DNAJC13: variants seen among roughly 807,000 people sequenced by gnomAD.
DNAJC13 encodes the protein DnaJ heat shock protein family (Hsp40) member C13, also known as dnaJ homolog subfamily C member 13.
DNAJC13 carries 75 observed loss-of-function variants against 290.5 expected under a neutral mutation model. The observed-to-expected ratio is 0.26, with a 90% CI of 0.21 to 0.31. DNAJC13 has a LOEUF of 0.31. Ranked by LOEUF, DNAJC13 falls within the 10% of genes least tolerant of loss-of-function variation. DNAJC13 has a pLI of 1.00. For missense variants in DNAJC13, 2,260 were observed against 2,674.5 expected, an observed-to-expected ratio of 0.85 and a Z score of 3.42; for synonymous variants, 862 against 892.0, an observed-to-expected ratio of 0.97 and a Z score of 0.60.
At chr3:132,462,288 AG>A (rs1187728173) in intron 15 of DNAJC13, among the ~76,000 whole-genome samples, 178 bp from the exon 16 acceptor site, 2 of 152,128 alleles carry the variant, frequency 1.3e-5, no homozygotes, top group African/African-American at 4.8e-5. Context: ...TGTATCTCTA[AG>A]GCTATATTGT....
intron 51 of DNAJC13, chr3:132,524,129 A>C (rs1317713677): frequency 6.5e-6 from 1 of 154,712 alleles, no homozygotes; most frequent in African/African-American, 2.4e-5. Context: ...AGAAATTGAC[A>C]GAAGAGTAGT....
chr3:132,466,333 A>G lies in DNAJC13; in HGVS notation c.2003A>G (p.Asp668Gly). Reference sequence around the variant, plus strand: ...TTGCTGGCATACTTGGAAAGCTCAGATCTCGTACCTGAGAAGGATGCTGAT... The same window carrying G: ...TTGCTGGCATACTTGGAAAGCTCAGGTCTCGTACCTGAGAAGGATGCTGAT... ...PGLLAYLESS[D>G]LVPEKDADRM... The change falls in exon 19 of 56, where the codon GAT (aspartate) becomes GGT (glycine). Residue 668 changes from aspartate (D) to glycine (G), a missense_variant. By Grantham distance (94) the Asp-to-Gly change is moderately conservative. This residue lies in a region of DNAJC13 where 762 missense variants were observed against 964.1 expected (regional missense o/e 0.79). Coordinates refer to ENST00000260818, the MANE Select transcript of DNAJC13 (RefSeq NM_015268.4). 1 of 1,599,784 alleles carries G rather than the reference A, an allele frequency of 6.3e-7. No homozygotes were observed. Among genetic ancestry groups the G allele is most frequent in the Non-Finnish European group, 8.5e-7 (1 of 1,176,192 alleles).
Position 132,501,449 on chromosome 3 carries a change from A to G in DNAJC13, c.4536+536A>G, listed in dbSNP as rs115034941. On this transcript the variant is annotated intron_variant, in intron 39 of 55. Transcript: ENST00000260818. Reference sequence around the variant, plus strand: ...AACTCCAGAAAATTCAACCATAAGGAAAAGTTTAGCTGGCATGCTGACACC... The same window carrying G: ...AACTCCAGAAAATTCAACCATAAGGGAAAGTTTAGCTGGCATGCTGACACC... 2.8e-3 allele frequency among the ~76,000 whole-genome samples: 419 copies of G among 152,268 alleles called. 3 individuals carry two copies. The highest frequency in any genetic ancestry group is 9.1e-3 in the African/African-American group (378 of 41,560).
Position 132,538,444 on chromosome 3 carries a change from A to G in DNAJC13, c.*162A>G. On this transcript the variant is annotated 3_prime_UTR_variant, in exon 56 of 56. Transcript: ENST00000260818. ...TTAGGAAAAAAAGTCAGTGATCCTA[A>G]TTGTATCACATTATAAGAAAGCACT... 1 of 568,092 alleles carries G rather than the reference A, an allele frequency of 1.8e-6. No homozygotes were observed. The highest frequency in any genetic ancestry group is 3.0e-5 in the East Asian group (1 of 33,668). The allele number at this position is 568,092 out of a possible 1,614,324, so 35.2% of individuals were successfully genotyped here. A position where few individuals can be genotyped will look rare whatever the true frequency, so the allele number is the denominator to read the frequency against.
intron 12 of DNAJC13, 56 bp from the exon 13 acceptor site, chr3:132,457,213 T>A (rs767716316): frequency 1.5e-5 from 19 of 1,260,314 alleles, no homozygotes; most frequent in Non-Finnish European, 2.1e-5. Flanking sequence ...TTCAATAATA[T>A]AACAATTTAA....
intron 55 of DNAJC13, among the ~76,000 whole-genome samples, chr3:132,533,284 G>A (rs962930881): frequency 2.0e-5 from 3 of 150,730 alleles, no homozygotes; most frequent in Admixed American, 6.6e-5. Flanking sequence ...TGCCCACTTC[G>A]GCTTCCCAAA....
In DNAJC13 at chr3:132,523,246, G is replaced by T. The variant is rs754901136; in HGVS notation, c.5886+47G>T. The T allele has an allele frequency of 7.5e-6, 12 of 1,600,802 alleles. No homozygotes were observed. The South Asian group carries it at 1.3e-4, about 18-fold the overall frequency. On this transcript the variant is annotated intron_variant, in intron 50 of 55. Coordinates refer to ENST00000260818, the MANE Select transcript of DNAJC13 (RefSeq NM_015268.4). Reference sequence around the variant, plus strand: ...CATCTTATTTTCTGTTGATTTAGTTGTTTTCACTTTCTACTGAGTCAGTTT... The same window carrying T: ...CATCTTATTTTCTGTTGATTTAGTTTTTTTCACTTTCTACTGAGTCAGTTT...
intron 33 of DNAJC13, 59 bp from the exon 34 acceptor site, chr3:132,494,084 TA>T: frequency 8.6e-7 from 1 of 1,162,164 alleles, no homozygotes; most frequent in Non-Finnish European, 1.2e-6. Flanking sequence ...TTCTATAACT[TA>T]AAAATTATAC....
chr3:132,459,639 A>G (rs1200336898), intron 13 of DNAJC13, among the ~76,000 whole-genome samples: 1 of 152,228 alleles, frequency 6.6e-6, no homozygotes, highest in African/African-American at 2.4e-5. Context: ...ACAAACATTG[A>G]GCCCTCATTA....
chr3:132,431,064 CT>C lies in DNAJC13; in HGVS notation c.-13-3471del, dbSNP rs1333267792. 2.6e-5 allele frequency among the ~76,000 whole-genome samples: 4 copies of C among 152,314 alleles called. No individual in the cohort carries two copies. In the East Asian group the frequency reaches 5.8e-4, roughly 22 times the overall value. ...TTTTCAAAGCATGAATTGCTGATGC[CT>C]TTCCAGAAGGTTTGACAAAACCCTA... On this transcript the variant is annotated intron_variant, in intron 1 of 55. Transcript: ENST00000260818.
chr3:132,467,239 G>C lies in DNAJC13; in HGVS notation c.2134G>C (p.Glu712Gln), dbSNP rs770494794. Residue 712 changes from glutamate (E) to glutamine (Q), a missense_variant, in exon 20 of 56, where the codon GAA becomes CAA. Around this residue, in one of 3 missense-constraint regions of DNAJC13, gnomAD observed 762 missense variants for 964.1 expected, o/e 0.79. Transcript: ENST00000260818. ...AGCTGGAAAAGCTGCTAAAGAAGTT[G>C]AAAAATTTGCCAAAGAAAAAGTGGA... Reference protein sequence around the residue: ...RLAGKAAKEVEKFAKEKVDLV... With the variant: ...RLAGKAAKEVQKFAKEKVDLV... 6.8e-6 allele frequency: 11 copies of C among 1,613,890 alleles called. No homozygotes were observed. The highest frequency in any genetic ancestry group is 9.3e-6 in the Non-Finnish European group (11 of 1,179,894).
In DNAJC13 at chr3:132,538,376, CT is replaced by C; in HGVS notation, c.*95del. 1 of 908,698 alleles carries C rather than the reference CT, an allele frequency of 1.1e-6. No homozygotes were observed. Among genetic ancestry groups the C allele is most frequent in the Admixed American group, 2.4e-5 (1 of 41,808 alleles). The allele number at this position is 908,698 out of a possible 1,614,324, so 56.3% of individuals were successfully genotyped here. ...GAAGCAAACTCTTACTGCCTTTCTCCTGGTTTCATGACAGTGTTATTCCTTT... is the reference window on the plus strand; with the variant it reads ...GAAGCAAACTCTTACTGCCTTTCTCCGGTTTCATGACAGTGTTATTCCTTT... On this transcript the variant is annotated 3_prime_UTR_variant, in exon 56 of 56. Transcript: ENST00000260818.
At chr3:132,448,840 G>A (rs972459042) in intron 5 of DNAJC13, among the ~76,000 whole-genome samples, 15 of 152,076 alleles carry the variant, frequency 9.9e-5, no homozygotes, top group African/African-American at 3.4e-4. Context: ...GGCAACTGGC[G>A]AGCTGCTTAT....
At chr3:132,473,389 GCT>G (rs1934355086) in intron 21 of DNAJC13, among the ~76,000 whole-genome samples, 162 bp downstream of exon 21, 1 of 152,112 alleles carries the variant, frequency 6.6e-6, no homozygotes, top group Non-Finnish European at 1.5e-5. Flanking sequence ...GACTAGAGAT[GCT>G]CCTAAAATTA....
At chr3:132,498,944 C>T (rs1326673449) in intron 36 of DNAJC13, among the ~76,000 whole-genome samples, 182 bp from the exon 37 acceptor site, 1 of 152,134 alleles carries the variant, frequency 6.6e-6, no homozygotes, top group Non-Finnish European at 1.5e-5. Flanking sequence ...TCTCAATCTC[C>T]TGACCTCGTG....
chr3:132,483,292 A>G (rs1934743548), intron 27 of DNAJC13, 83 bp from the exon 28 acceptor site: 1 of 1,159,578 alleles, frequency 8.6e-7, no homozygotes. Context: ...ATAATTTAGT[A>G]TGTATTTACT....
intron 1 of DNAJC13, among the ~76,000 whole-genome samples, chr3:132,423,835 A>G (rs1275267384): frequency 1.3e-5 from 2 of 152,232 alleles, no homozygotes; most frequent in Non-Finnish European, 1.5e-5. Flanking sequence ...AAGCTTAGGA[A>G]ATTTAGTCCC....
chr3:132,509,874 T>G (rs913010318), intron 43 of DNAJC13, among the ~76,000 whole-genome samples: 1 of 152,198 alleles, frequency 6.6e-6, no homozygotes, highest in Non-Finnish European at 1.5e-5. Context: ...AAATAACTTT[T>G]ATATGCACTG....
intron 1 of DNAJC13, among the ~76,000 whole-genome samples, chr3:132,428,771 G>A (rs928778292): frequency 1.3e-5 from 2 of 152,218 alleles, no homozygotes; most frequent in Admixed American, 6.5e-5. Context: ...GTCCTGCTCT[G>A]TCAGCCCGGA....
Sources: allele counts gnomAD v4.1 joint callset (sites outside exome capture counted in the v4.1 genomes callset), GRCh38; gene constraint gnomAD v4.1.1; regional missense constraint gnomAD v4.1.1; transcripts MANE v1.5; gene names NCBI Gene and HGNC (gene_info 2026-07-23, HGNC 2026-07-21).